FSTL5: variants seen among roughly 807,000 people sequenced by gnomAD.
FSTL5 encodes follistatin-related protein 5.
In FSTL5, 62 loss-of-function variants were observed where a neutral mutation model predicts 89.1. That is an observed-to-expected ratio of 0.70 (90% CI 0.57 to 0.86). The LOEUF is 0.86. FSTL5 is among the 40% of genes least tolerant of loss of function. The pLI, the probability that FSTL5 is intolerant of heterozygous loss-of-function variation, is 0.00. For missense variants in FSTL5, 1,057 were observed against 1,001.6 expected (o/e 1.06, Z -0.75); for synonymous variants, 383 against 346.2 (o/e 1.11, Z -1.18).
At chr4:161,696,179 C>G (rs900414859) in intron 6 of FSTL5, among the ~76,000 whole-genome samples, 3 of 152,146 alleles carry the variant, frequency 2.0e-5, no homozygotes, top group Non-Finnish European at 4.4e-5. Flanking sequence ...CTACTTGTGG[C>G]CTGCCAATTA....
In FSTL5 at chr4:161,824,657, T is replaced by C. The variant is rs538515501; in HGVS notation, c.410-48583A>G. Among the ~76,000 whole-genome samples, 201 of 152,314 alleles carry C rather than the reference T, an allele frequency of 1.3e-3. 1 individual carries two copies. Among genetic ancestry groups the C allele is most frequent in the African/African-American group, 4.7e-3 (195 of 41,572 alleles). ...TCTTTTTAGAGGCTTTTCACCTCCT[T>C]GGTTAGGTATATTCCTAATTAGTTT... On this transcript the variant is annotated intron_variant, in intron 4 of 15. Transcript: ENST00000306100.
chr4:161,661,988 C>G (rs1230364322), intron 6 of FSTL5, among the ~76,000 whole-genome samples: 1 of 152,056 alleles, frequency 6.6e-6, no homozygotes, highest in East Asian at 1.9e-4. Flanking sequence ...GAGATTACAC[C>G]TGGAATTGCA....
intron 1 of FSTL5, among the ~76,000 whole-genome samples, chr4:162,149,336 T>C (rs1292834006): frequency 6.6e-6 from 1 of 152,004 alleles, no homozygotes; most frequent in African/African-American, 2.4e-5. Flanking sequence ...AGAGAGACTG[T>C]ACCCTGCCGA....
chr4:162,000,098 G>T (rs2111102756), intron 3 of FSTL5, among the ~76,000 whole-genome samples: 1 of 152,218 alleles, frequency 6.6e-6, no homozygotes, highest in Admixed American at 6.5e-5. Flanking sequence ...CAAGAGGTTT[G>T]GCTTCTGGCA....
chr4:161,499,920 T>C (rs1394946036), intron 12 of FSTL5, 96 bp downstream of exon 12: 1 of 700,204 alleles, frequency 1.4e-6, no homozygotes, highest in Non-Finnish European at 2.5e-6. Flanking sequence ...CCAACACGAG[T>C]CTCATATATG....
At chr4:161,776,608 T>C (rs1443205840) in intron 4 of FSTL5, among the ~76,000 whole-genome samples, 2 of 149,880 alleles carry the variant, frequency 1.3e-5, no homozygotes, top group East Asian at 3.9e-4. Context: ...ATTTTAAATC[T>C]GAAATGTGTT....
chr4:161,642,884 T>C (rs781437218), intron 7 of FSTL5, among the ~76,000 whole-genome samples: 3 of 152,144 alleles, frequency 2.0e-5, no homozygotes, highest in Non-Finnish European at 4.4e-5. Flanking sequence ...TTGGAGATGG[T>C]TGTATAACAT....
chr4:161,833,823 G>C (rs1730934343), intron 4 of FSTL5, among the ~76,000 whole-genome samples: 1 of 151,736 alleles, frequency 6.6e-6, no homozygotes, highest in Admixed American at 6.6e-5. Flanking sequence ...GATGGGTCTT[G>C]ACTCTTTATC....
At chr4:161,556,385 C>A (rs992554238) in intron 8 of FSTL5, among the ~76,000 whole-genome samples, 1 of 151,464 alleles carries the variant, frequency 6.6e-6, no homozygotes, top group African/African-American at 2.4e-5. Context: ...TTTTCTACCA[C>A]CGTTTGTGTA....
chr4:161,772,923 T>A (rs906326255), intron 5 of FSTL5, among the ~76,000 whole-genome samples: 2 of 152,102 alleles, frequency 1.3e-5, no homozygotes, highest in Non-Finnish European at 2.9e-5. Flanking sequence ...TCTGGAGGAA[T>A]CACACTACCT....
intron 8 of FSTL5, among the ~76,000 whole-genome samples, chr4:161,564,308 AAAT>A (rs970005859): frequency 6.6e-6 from 1 of 151,064 alleles, no homozygotes; most frequent in African/African-American, 2.4e-5. Context: ...TCCTATAATA[AAAT>A]AATAATAGCC....
intron 3 of FSTL5, among the ~76,000 whole-genome samples, chr4:161,952,003 T>C (rs1303941250): frequency 6.6e-6 from 1 of 152,090 alleles, no homozygotes; most frequent in Non-Finnish European, 1.5e-5. Context: ...CTAGGTATTG[T>C]GTCTTTACTC....
At chr4:161,583,126 A>G (rs998337670) in intron 8 of FSTL5, among the ~76,000 whole-genome samples, 1 of 152,090 alleles carries the variant, frequency 6.6e-6, no homozygotes, top group Non-Finnish European at 1.5e-5. Flanking sequence ...GCTTGAACCC[A>G]GGGGGCGGAG....
At chr4:161,878,451 G>A (rs1056721995) in intron 4 of FSTL5, among the ~76,000 whole-genome samples, 3 of 152,018 alleles carry the variant, frequency 2.0e-5, no homozygotes, top group South Asian at 2.1e-4. Context: ...TTATTTGCTA[G>A]TTCATATAAT....
intron 3 of FSTL5, among the ~76,000 whole-genome samples, chr4:161,982,606 T>G (rs1735855116): frequency 6.6e-6 from 1 of 152,218 alleles, no homozygotes; most frequent in African/African-American, 2.4e-5. Flanking sequence ...CTAATACATA[T>G]AAAAGAATTC....
chr4:161,800,529 G>C lies in FSTL5; in HGVS notation c.410-24455C>G, dbSNP rs762114790. On this transcript the variant is annotated intron_variant, in intron 4 of 15. Transcript: ENST00000306100. ...CTTCCTCAAGCTGGCAGATGGAAAT[G>C]AATATACAAAGACCTCCTTTTGTTC... Among the ~76,000 whole-genome samples, 11 of 151,602 alleles carry C rather than the reference G, an allele frequency of 7.3e-5. 2 individuals are homozygous for C. The highest frequency in any genetic ancestry group is 4.6e-4 in the Admixed American group (7 of 15,184).
intron 12 of FSTL5, among the ~76,000 whole-genome samples, chr4:161,488,051 T>C (rs1353577798): frequency 6.6e-6 from 1 of 151,822 alleles, no homozygotes; most frequent in Non-Finnish European, 1.5e-5. Context: ...TGGAAAAAAA[T>C]CTTACAAAAA....
At chr4:162,051,471 TA>T (rs888339028) in intron 2 of FSTL5, among the ~76,000 whole-genome samples, 7 of 150,868 alleles carry the variant, frequency 4.6e-5, no homozygotes, top group African/African-American at 1.7e-4. Flanking sequence ...ATTTGAAATA[TA>T]AAAAAAATAG....
chr4:161,734,146 A>C (rs1739711772), intron 6 of FSTL5, among the ~76,000 whole-genome samples: 1 of 152,132 alleles, frequency 6.6e-6, no homozygotes, highest in Non-Finnish European at 1.5e-5. Flanking sequence ...GAGGGAAATA[A>C]TTTTTATTTT....
Sources: allele counts gnomAD v4.1 joint callset (sites outside exome capture counted in the v4.1 genomes callset), GRCh38; gene constraint gnomAD v4.1.1; transcripts MANE v1.5; gene names NCBI Gene and HGNC (gene_info 2026-07-23, HGNC 2026-07-21).